ARHGAP6: variants seen among roughly 807,000 people sequenced by gnomAD.
The protein encoded by ARHGAP6 is rho GTPase-activating protein 6.
A neutral mutation model predicts 55.7 loss-of-function variants in ARHGAP6; 16 were observed. That is an observed-to-expected ratio of 0.29 (90% CI 0.19 to 0.44). The LOEUF is 0.44. ARHGAP6 is among the 20% of genes least tolerant of loss of function. The probability of loss-of-function intolerance (pLI) is 1.00; values close to 1 mark genes in which losing one functional copy is unlikely to be tolerated. For missense variants in ARHGAP6, 698 were observed against 808.9 expected, an observed-to-expected ratio of 0.86 and a Z score of 1.66; for synonymous variants, 382 against 360.9, an observed-to-expected ratio of 1.06 and a Z score of -0.66.
intron 1 of ARHGAP6, chrX:11,290,564 A>T (rs1473541744): frequency 7.1e-6 from 2 of 280,204 alleles, no homozygotes; most frequent in Non-Finnish European, 1.4e-5. Context: ...GAAAATATTT[A>T]AAAGCCAGCT....
At chrX:11,592,871 G>A (rs1419037456) in intron 1 of ARHGAP6, among the ~76,000 whole-genome samples, 1 of 111,472 alleles carries the variant, frequency 9.0e-6, no homozygotes, top group Non-Finnish European at 1.9e-5. Flanking sequence ...AAGAGCCTCT[G>A]GTGAAATTTC....
At chrX:11,388,036 C>T (rs1603163110) in intron 1 of ARHGAP6, among the ~76,000 whole-genome samples, 1 of 112,041 alleles carries the variant, frequency 8.9e-6, no homozygotes, top group African/African-American at 3.2e-5. Context: ...GTCTTTATAA[C>T]AGCATGATTT....
At chrX:11,333,218 A>G (rs983204153) in intron 1 of ARHGAP6, among the ~76,000 whole-genome samples, 4 of 112,109 alleles carry the variant, frequency 3.6e-5, no homozygotes, top group African/African-American at 1.3e-4. Context: ...AGCTTGAATT[A>G]TAGTTCCCAT....
chrX:11,430,772 G>T (rs755331337), intron 1 of ARHGAP6, among the ~76,000 whole-genome samples: 4 of 111,710 alleles, frequency 3.6e-5, no homozygotes, highest in South Asian at 7.6e-4. Flanking sequence ...AATGTATGGG[G>T]TAACAGTGTA....
At chrX:11,282,099 A>T (rs1259886691) in intron 1 of ARHGAP6, among the ~76,000 whole-genome samples, 1 of 112,017 alleles carries the variant, frequency 8.9e-6, no homozygotes, top group Non-Finnish European at 1.9e-5. Context: ...CACAAACAAG[A>T]TTCTTGGCCA....
At chrX:11,277,667 G>C (rs1011145805) in intron 1 of ARHGAP6, among the ~76,000 whole-genome samples, 2 of 107,100 alleles carry the variant, frequency 1.9e-5, no homozygotes, top group Non-Finnish European at 1.9e-5. Flanking sequence ...ATGAATATGA[G>C]TGTCTTGAAA....
At chrX:11,317,598 T>C (rs1354058825) in intron 1 of ARHGAP6, among the ~76,000 whole-genome samples, 1 of 111,890 alleles carries the variant, frequency 8.9e-6, no homozygotes, top group Non-Finnish European at 1.9e-5. Context: ...TAAGGTGGTT[T>C]AAATGGATTT....
chrX:11,206,884 C>A (rs189611711), intron 2 of ARHGAP6, among the ~76,000 whole-genome samples: 31 of 111,675 alleles, frequency 2.8e-4, no homozygotes, highest in African/African-American at 1.0e-3. Flanking sequence ...ACATGTTTCT[C>A]ATGTATTTCC....
chrX:11,579,739 G>A (rs1247480707), intron 1 of ARHGAP6, among the ~76,000 whole-genome samples: 2 of 112,155 alleles, frequency 1.8e-5, no homozygotes, highest in Non-Finnish European at 3.8e-5. Context: ...TTTATAGCTT[G>A]TGGGTTTAGC....
chrX:11,273,615 T>A (rs867855351), intron 1 of ARHGAP6, among the ~76,000 whole-genome samples: 4 of 109,436 alleles, frequency 3.7e-5, no homozygotes, highest in South Asian at 3.9e-4. Context: ...TACACAGAGT[T>A]TTGCTGCTTC....
intron 1 of ARHGAP6, among the ~76,000 whole-genome samples, chrX:11,255,288 G>A (rs1423978595): frequency 9.0e-6 from 1 of 110,640 alleles, no homozygotes; most frequent in Non-Finnish European, 1.9e-5. Context: ...CCTCCTTCTA[G>A]CTATTTGAGA....
intron 1 of ARHGAP6, among the ~76,000 whole-genome samples, chrX:11,270,325 C>T (rs1431468337): frequency 8.9e-6 from 1 of 111,873 alleles, no homozygotes; most frequent in Non-Finnish European, 1.9e-5. Context: ...GAAGGCCTCT[C>T]TGCAACTGGG....
At chrX:11,174,016 G>C (rs976067083) in intron 8 of ARHGAP6, among the ~76,000 whole-genome samples, 1 of 112,017 alleles carries the variant, frequency 8.9e-6, no homozygotes, top group African/African-American at 3.3e-5. Context: ...AAGAGAAGAA[G>C]TTGAAAAATA....
chrX:11,173,819 A>AC (rs774021241), intron 8 of ARHGAP6, among the ~76,000 whole-genome samples: 13 of 110,653 alleles, frequency 1.2e-4, no homozygotes, highest in South Asian at 3.9e-4. Flanking sequence ...AGCTAAGACC[A>AC]CCCCCCATCC....
intron 1 of ARHGAP6, among the ~76,000 whole-genome samples, chrX:11,412,248 C>A (rs1002284611): frequency 8.9e-6 from 1 of 111,868 alleles, no homozygotes; most frequent in Non-Finnish European, 1.9e-5. Context: ...CACTTTAACA[C>A]CATGTGATAT....
At chrX:11,378,317 C>G (rs2049225181) in intron 1 of ARHGAP6, among the ~76,000 whole-genome samples, 1 of 112,681 alleles carries the variant, frequency 8.9e-6, no homozygotes, top group Admixed American at 9.3e-5. Flanking sequence ...CTACCATCAC[C>G]ATAAACCAGT....
intron 1 of ARHGAP6, among the ~76,000 whole-genome samples, chrX:11,349,942 G>A (rs2048838169): frequency 8.9e-6 from 1 of 111,982 alleles, no homozygotes; most frequent in Non-Finnish European, 1.9e-5. Flanking sequence ...AGCAGCTAGA[G>A]GACTTCCCAA....
intron 1 of ARHGAP6, among the ~76,000 whole-genome samples, chrX:11,278,930 T>A (rs1251773277): frequency 9.0e-6 from 1 of 111,251 alleles, no homozygotes; most frequent in Admixed American, 9.6e-5. Context: ...ACTAATTCCA[T>A]CTGCTCAGAA....
At chrX:11,257,018 G>A (rs2147490293) in intron 1 of ARHGAP6, among the ~76,000 whole-genome samples, 1 of 111,401 alleles carries the variant, frequency 9.0e-6, no homozygotes, top group African/African-American at 3.3e-5. Context: ...TATGTTTTTG[G>A]TATAACCAGA....
Sources: allele counts gnomAD v4.1 joint callset (sites outside exome capture counted in the v4.1 genomes callset), GRCh38; gene constraint gnomAD v4.1.1; transcripts MANE v1.5; gene names NCBI Gene and HGNC (gene_info 2026-07-23, HGNC 2026-07-21).